Variants in SRPK2 observed in about 807,000 individuals in gnomAD.
SRPK2 encodes SRSF protein kinase 2, also known as SFRS protein kinase 2.
A neutral mutation model predicts 90.8 loss-of-function variants in SRPK2; 21 were observed. That is an observed-to-expected ratio of 0.23 (90% confidence interval 0.16 to 0.33). The LOEUF is 0.33. Ranked by LOEUF, SRPK2 falls within the 10% of genes least tolerant of loss-of-function variation. The pLI, the probability that SRPK2 is intolerant of heterozygous loss-of-function variation, is 1.00. For missense variants in SRPK2, 620 were observed against 869.0 expected (o/e 0.71, Z 3.60); for synonymous variants, 288 against 311.1 (o/e 0.93, Z 0.78).
chr7:105,366,004 G>A (rs562679814), intron 2 of SRPK2, among the ~76,000 whole-genome samples: 3 of 151,866 alleles, frequency 2.0e-5, no homozygotes, highest in South Asian at 4.2e-4. Context: ...ACAGGCGCAC[G>A]CTACCACGCC....
intron 2 of SRPK2, among the ~76,000 whole-genome samples, chr7:105,224,600 ACT>A (rs1798495160): frequency 1.3e-5 from 2 of 152,192 alleles, no homozygotes; most frequent in South Asian, 4.2e-4. Context: ...CAAGAGCAAA[ACT>A]CTGTCTAAAA....
At chr7:105,297,899 G>A (rs1295199380) in intron 2 of SRPK2, among the ~76,000 whole-genome samples, 1 of 152,012 alleles carries the variant, frequency 6.6e-6, no homozygotes, top group Non-Finnish European at 1.5e-5. Flanking sequence ...GCGCCACTAT[G>A]CCCAGCTAAT....
chr7:105,157,932 G>T (rs1806774545), intron 7 of SRPK2, among the ~76,000 whole-genome samples: 1 of 152,078 alleles, frequency 6.6e-6, no homozygotes, highest in South Asian at 2.1e-4. Context: ...CTAGCACGGT[G>T]GTGCATGCCT....
At chr7:105,338,281 C>T (rs1339629414) in intron 2 of SRPK2, among the ~76,000 whole-genome samples, 1 of 152,032 alleles carries the variant, frequency 6.6e-6, no homozygotes, top group African/African-American at 2.4e-5. Flanking sequence ...GAGACAGTCT[C>T]CCAGGCTGCA....
chr7:105,179,674 G>T lies in SRPK2; in HGVS notation c.230-10409C>A, dbSNP rs185218805. Reference sequence around the variant, plus strand: ...ACCGCATCTCCACTAAAAATACAAAGATTAGCCGGGTGTGGTGGCGCATGC... The same window carrying T: ...ACCGCATCTCCACTAAAAATACAAATATTAGCCGGGTGTGGTGGCGCATGC... On this transcript the variant is annotated intron_variant, in intron 3 of 15. Transcript: ENST00000393651. Among the ~76,000 whole-genome samples, 284 of 151,550 alleles carry T rather than the reference G, an allele frequency of 1.9e-3. 2 individuals carry two copies. The highest frequency in any genetic ancestry group is 6.3e-3 in the African/African-American group (260 of 41,338).
At chr7:105,392,284 G>A (rs1377829512), upstream of SRPK2, among the ~76,000 whole-genome samples, 1 of 152,118 alleles carries the variant, frequency 6.6e-6, no homozygotes, top group East Asian at 1.9e-4. Flanking sequence ...AGGTGGTGGT[G>A]GCACAACATT....
chr7:105,319,545 G>GC (rs1202734566), intron 2 of SRPK2, among the ~76,000 whole-genome samples: 1 of 87,792 alleles, frequency 1.1e-5, no homozygotes, highest in Non-Finnish European at 2.3e-5. Flanking sequence ...GAGAATATAA[G>GC]CCCCTTTAAA....
intron 2 of SRPK2, among the ~76,000 whole-genome samples, chr7:105,253,153 A>T (rs573520774): frequency 6.6e-6 from 1 of 152,134 alleles, no homozygotes; most frequent in Non-Finnish European, 1.5e-5. Flanking sequence ...AGAAAGAAGC[A>T]CCTCTAACTA....
intron 2 of SRPK2, among the ~76,000 whole-genome samples, chr7:105,283,811 T>C (rs927468775): frequency 6.6e-6 from 1 of 151,850 alleles, no homozygotes; most frequent in African/African-American, 2.4e-5. Context: ...GGTAACATGG[T>C]GAGACACCGT....
At chr7:105,251,181 C>CT (rs1802436273) in intron 2 of SRPK2, among the ~76,000 whole-genome samples, 1 of 152,124 alleles carries the variant, frequency 6.6e-6, no homozygotes, top group Admixed American at 6.5e-5. Flanking sequence ...ATCAATACAC[C>CT]TTTTCCTTCA....
chr7:105,199,940 G>A (rs1795344570), intron 3 of SRPK2, among the ~76,000 whole-genome samples: 1 of 146,292 alleles, frequency 6.8e-6, no homozygotes, highest in Non-Finnish European at 1.5e-5. Context: ...GAAAAGAGTA[G>A]ACTCCAGGGC....
chr7:105,200,287 C>T (rs1418372617), intron 3 of SRPK2, among the ~76,000 whole-genome samples: 3 of 151,916 alleles, frequency 2.0e-5, no homozygotes. Context: ...GGTGACAGAG[C>T]GAGACTCCAT....
chr7:105,244,104 G>A (rs1167941548), intron 2 of SRPK2, among the ~76,000 whole-genome samples: 1 of 152,184 alleles, frequency 6.6e-6, no homozygotes, highest in Non-Finnish European at 1.5e-5. Flanking sequence ...CCCAAGTCCC[G>A]TCCGCTGGTC....
intron 13 of SRPK2, among the ~76,000 whole-genome samples, chr7:105,128,250 G>C: frequency 6.6e-6 from 1 of 152,202 alleles, no homozygotes; most frequent in South Asian, 2.1e-4. Flanking sequence ...CGAGCGATAA[G>C]CATTAATTTA....
intron 2 of SRPK2, among the ~76,000 whole-genome samples, chr7:105,235,905 C>T (rs775278674): frequency 6.6e-6 from 1 of 152,070 alleles, no homozygotes; most frequent in Non-Finnish European, 1.5e-5. Flanking sequence ...GGGATAATTT[C>T]TTGGGGAAAG....
intron 3 of SRPK2, among the ~76,000 whole-genome samples, chr7:105,190,205 G>T (rs1440775311): frequency 2.0e-5 from 3 of 152,214 alleles, no homozygotes; most frequent in Admixed American, 6.5e-5. Context: ...GCTGACAAGT[G>T]AGGACAAGAG....
At chr7:105,141,856 C>A in intron 11 of SRPK2, 152 bp downstream of exon 11, 1 of 780,048 alleles carries the variant, frequency 1.3e-6, no homozygotes, top group South Asian at 3.0e-5. Context: ...TTATTTAAAT[C>A]ACATTACTTC....
chr7:105,125,129 C>CAAAAA (rs61616576), intron 15 of SRPK2, among the ~76,000 whole-genome samples: 4 of 88,084 alleles, frequency 4.5e-5, no homozygotes, highest in African/African-American at 4.9e-5. Context: ...GACTCCATCT[C>CAAAAA]AAAAAAAAAA....
At chr7:105,235,673 C>T (rs1254974394) in intron 2 of SRPK2, among the ~76,000 whole-genome samples, 4 of 152,018 alleles carry the variant, frequency 2.6e-5, no homozygotes, top group African/African-American at 7.2e-5. Context: ...GCATGAGAAA[C>T]ATTCAACATT....
Sources: gnomAD v4.1 joint callset for allele counts (sites outside exome capture counted in the v4.1 genomes callset) on GRCh38, gnomAD v4.1.1 for gene constraint, MANE v1.5 for transcripts, NCBI Gene and HGNC (gene_info 2026-07-23, HGNC 2026-07-21) for gene names.